Variants in GDPD5 observed in about 807,000 individuals in gnomAD.
The protein encoded by GDPD5 is glycerophosphodiester phosphodiesterase 2.
A neutral mutation model predicts 75.1 loss-of-function variants in GDPD5; 48 were observed. That is an observed-to-expected ratio of 0.64 (90% CI 0.51 to 0.81). The LOEUF is 0.81. Among genes scored for constraint, GDPD5 ranks in the 40% least tolerant of loss-of-function variants. The pLI is 0.00. For missense variants in GDPD5, 706 were observed against 822.6 expected (o/e 0.86, Z 1.73); for synonymous variants, 336 against 339.0 (o/e 0.99, Z 0.10).
intron 3 of GDPD5, among the ~76,000 whole-genome samples, chr11:75,465,873 C>T (rs1949504482): frequency 6.6e-6 from 1 of 152,188 alleles, no homozygotes; most frequent in Admixed American, 6.5e-5. Context: ...AAAGCACCTC[C>T]TGTAGGCGCT....
chr11:75,482,261 C>T (rs1202269992), intron 2 of GDPD5, among the ~76,000 whole-genome samples: 1 of 152,172 alleles, frequency 6.6e-6, no homozygotes, highest in Non-Finnish European at 1.5e-5. Flanking sequence ...TCTCCTCTCC[C>T]CCTGGTGCAT....
At chr11:75,506,809 CT>C (rs1453266871) in intron 1 of GDPD5, 1 of 152,178 alleles carries the variant, frequency 6.6e-6, no homozygotes, top group Non-Finnish European at 1.5e-5. Flanking sequence ...TGATCCAGTG[CT>C]TCCAAGATTT....
At chr11:75,466,205 T>A (rs1404067016) in intron 3 of GDPD5, among the ~76,000 whole-genome samples, 3 of 152,092 alleles carry the variant, frequency 2.0e-5, no homozygotes, top group Admixed American at 2.0e-4. Context: ...GAGCTGGGGT[T>A]GGGGCAACCT....
intron 4 of GDPD5, among the ~76,000 whole-genome samples, chr11:75,461,648 T>C (rs1423905256): frequency 6.6e-6 from 1 of 152,224 alleles, no homozygotes; most frequent in Non-Finnish European, 1.5e-5. Context: ...CTTTGAGCCC[T>C]GTTGTGTCCA....
At chr11:75,509,213 C>A (rs1300721586) in intron 1 of GDPD5, among the ~76,000 whole-genome samples, 1 of 152,186 alleles carries the variant, frequency 6.6e-6, no homozygotes, top group Non-Finnish European at 1.5e-5. Flanking sequence ...GTGCTCCCAG[C>A]CTTCCTCAGA....
At chr11:75,439,996 A>G (rs778039621) in intron 14 of GDPD5, 35 bp from the exon 15 acceptor site, 1 of 1,534,144 alleles carries the variant, frequency 6.5e-7, no homozygotes, top group Admixed American at 1.7e-5. Flanking sequence ...ACTTCCAGTC[A>G]TGGCCAGTCC....
intron 5 of GDPD5, 70 bp from the exon 6 acceptor site, chr11:75,456,886 C>A (rs1014459581): frequency 1.6e-5 from 24 of 1,471,972 alleles, no homozygotes; most frequent in Non-Finnish European, 2.2e-5. Flanking sequence ...TTCTCAGACA[C>A]CCTGCTCCCC....
At chr11:75,508,188 T>C (rs923674020) in intron 1 of GDPD5, 3 of 152,180 alleles carry the variant, frequency 2.0e-5, no homozygotes, top group Admixed American at 6.5e-5. Context: ...TGAAGTCCTT[T>C]TCGTGGAGTC....
chr11:75,477,762 G>GACA lies in GDPD5; in HGVS notation c.-28_-27insTGT. 1.4e-6 allele frequency: 2 copies of GACA among 1,473,624 alleles called. No individual in the cohort carries two copies. The highest frequency in any genetic ancestry group is 1.8e-6 in the Non-Finnish European group (2 of 1,084,756). The allele number at this position is 1,473,624 out of a possible 1,614,324, so 91.3% of individuals were successfully genotyped here. On this transcript the variant is annotated 5_prime_UTR_variant, in exon 3 of 17. Transcript: ENST00000336898. ...CTCGTGCCCACGGCCCTGGCGCCTG[G>GACA]CCCTCAGGCGCCCATGGAGGCCCCC...
At chr11:75,438,387 C>T (rs549503442) in intron 15 of GDPD5, 2 of 152,396 alleles carry the variant, frequency 1.3e-5, no homozygotes, top group South Asian at 4.1e-4. Context: ...ACTGCCCTGG[C>T]TGTGTCTGAG....
intron 11 of GDPD5, 70 bp from the exon 12 acceptor site, chr11:75,442,651 C>T: frequency 7.1e-7 from 1 of 1,418,002 alleles, no homozygotes. Context: ...ACCCTTCTGG[C>T]AACCAAGCGT....
chr11:75,441,661 G>T lies in GDPD5; in HGVS notation c.1310C>A (p.Ser437Tyr). 2 of 1,588,598 alleles carry T rather than the reference G, an allele frequency of 1.3e-6. No individual in the cohort carries two copies. The highest frequency in any genetic ancestry group is 1.7e-6 in the Non-Finnish European group (2 of 1,168,638). ...GGGCAGGCACCTGAGCTCCTGGCGG[G>T]ACACCTGAGTGTAGCGCAGGTTCAG... is the stretch of plus-strand genomic sequence containing the variant. ...QRLNLRYTQV[S>Y]RQELRDYASW... Residue 437 changes from serine (S) to tyrosine (Y), a missense_variant, in exon 13 of 17, where the codon TCC becomes TAC. Physicochemically the swap from Ser to Tyr is moderately radical, Grantham distance 144. Transcript: ENST00000336898.
Position 75,477,717 on chromosome 11 carries a change from G to C in GDPD5, c.19C>G (p.Leu7Val). The C allele has an allele frequency of 6.3e-7, 1 of 1,587,630 alleles. No homozygotes were observed. Among genetic ancestry groups the C allele is most frequent in the South Asian group, 1.1e-5 (1 of 89,128 alleles). MVRHQP[L>V]QYYEPQLCLS... ...CACAGCTGTGGCTCGTAGTACTGCA[G>C]GGGCTGGTGTCTCACCATACTCGTG... Residue 7 changes from leucine to valine, a missense_variant, in exon 3 of 17, where the codon CTG becomes GTG. Physicochemically the swap from Leu to Val is conservative, Grantham distance 32. Coordinates refer to ENST00000336898, the MANE Select transcript of GDPD5 (RefSeq NM_030792.8).
At chr11:75,461,835 G>A (rs1949420575) in intron 4 of GDPD5, among the ~76,000 whole-genome samples, 1 of 152,214 alleles carries the variant, frequency 6.6e-6, no homozygotes, top group African/African-American at 2.4e-5. Context: ...AGCCCCAGCT[G>A]TCCCCAACTG....
chr11:75,440,313 C>A (rs776979945), intron 14 of GDPD5, among the ~76,000 whole-genome samples: 1 of 152,100 alleles, frequency 6.6e-6, no homozygotes, highest in Admixed American at 6.5e-5. Flanking sequence ...CCCCCGCTGC[C>A]GACTCTCATC....
At chr11:75,448,941 C>G (rs568493129) in intron 9 of GDPD5, 36 bp downstream of exon 9, 2 of 1,527,614 alleles carry the variant, frequency 1.3e-6, no homozygotes, top group South Asian at 2.6e-5. Flanking sequence ...GCACCCCACC[C>G]CAACGGGGCT....
At chr11:75,464,282 T>A (rs1020512820) in intron 3 of GDPD5, among the ~76,000 whole-genome samples, 9 of 152,216 alleles carry the variant, frequency 5.9e-5, no homozygotes, top group African/African-American at 2.2e-4. Flanking sequence ...AGTTTTCACC[T>A]CTATGAAATG....
rs374859180 is a variant in GDPD5, at chr11:75,457,746, C to T, written c.262G>A (p.Val88Ile). The T allele has an allele frequency of 1.3e-4, 213 of 1,614,064 alleles. 2 individuals are homozygous for T. In the Admixed American group the frequency reaches 2.8e-3, roughly 21 times the overall value. ...GCAGCTGTGGTCACAAGGATGGGTACGGGCCAGTCGCTCCAGTAGCCCATG... is the reference window on the plus strand; with the variant it reads ...GCAGCTGTGGTCACAAGGATGGGTATGGGCCAGTCGCTCCAGTAGCCCATG... ...NRMGYWSDWP[V>I]PILVTTAAAF... Residue 88 changes from valine (V) to isoleucine (I), a missense_variant, in exon 5 of 17, where the codon GTA becomes ATA. Coordinates refer to ENST00000336898, the MANE Select transcript of GDPD5 (RefSeq NM_030792.8).
chr11:75,450,151 C>CA (rs1949101333), intron 6 of GDPD5, among the ~76,000 whole-genome samples, 168 bp from the exon 7 acceptor site: 1 of 152,018 alleles, frequency 6.6e-6, no homozygotes, highest in Admixed American at 6.5e-5. Context: ...AAACTAGAGG[C>CA]CGGCAGATAG....
Sources: allele counts gnomAD v4.1 joint callset (sites outside exome capture counted in the v4.1 genomes callset), GRCh38; gene constraint gnomAD v4.1.1; transcripts MANE v1.5; gene names NCBI Gene and HGNC (gene_info 2026-07-23, HGNC 2026-07-21).